Variants in CLEC16A observed in about 807,000 individuals in gnomAD.
CLEC16A encodes C-type lectin domain containing 16A.
A neutral mutation model predicts 109.5 loss-of-function variants in CLEC16A; 51 were observed. That is an observed-to-expected ratio of 0.47 (90% confidence interval 0.37 to 0.59). The LOEUF (loss-of-function observed/expected upper bound fraction) is 0.59, where lower values mean the gene tolerates loss of function less well. CLEC16A is among the 20% of genes least tolerant of loss of function. The pLI, the probability that CLEC16A is intolerant of heterozygous loss-of-function variation, is 0.00. For synonymous variants in CLEC16A, 673 were observed against 564.2 expected (o/e 1.19, Z -2.73); for missense variants, 1,339 against 1,394.0 (o/e 0.96, Z 0.63).
At position 10,946,113 on chromosome 16, in the gene CLEC16A, A is replaced by T. The variant is rs76272104; in HGVS notation, c.80+1316A>T. Among the ~76,000 whole-genome samples the T allele has an allele frequency of 7.2e-5, 11 of 152,280 alleles. No individual in the cohort carries two copies. In the South Asian group the frequency reaches 2.3e-3, roughly 32 times the overall value. On this transcript the variant is annotated intron_variant, in intron 1 of 23. Transcript: ENST00000409790. ...GGCTTTAGGGAGGGAAATGGCGGGG[A>T]TGCTGAAGAGGGGAGTAGACAAATC...
intron 3 of CLEC16A, among the ~76,000 whole-genome samples, chr16:10,963,682 C>G (rs1327430846): frequency 5.3e-5 from 8 of 152,198 alleles, no homozygotes; most frequent in Admixed American, 3.3e-4. Context: ...GTAATAACCA[C>G]CCCTGAGAGG....
chr16:11,061,863 T>G (rs1160451334), intron 19 of CLEC16A, among the ~76,000 whole-genome samples: 1 of 152,194 alleles, frequency 6.6e-6, no homozygotes, highest in East Asian at 1.9e-4. Flanking sequence ...GGAAGCTGCC[T>G]TCCTCCGTCT....
intron 22 of CLEC16A, among the ~76,000 whole-genome samples, chr16:11,145,945 C>G (rs761197799): frequency 6.6e-6 from 1 of 152,222 alleles, no homozygotes; most frequent in African/African-American, 2.4e-5. Context: ...CTTCCTGACA[C>G]TAACCTCACC....
intron 16 of CLEC16A, 88 bp from the exon 17 acceptor site, chr16:11,047,204 A>G (rs1235508459): frequency 1.4e-5 from 15 of 1,110,342 alleles, no homozygotes; most frequent in Non-Finnish European, 1.6e-5. Flanking sequence ...GATGGCCTCT[A>G]AAGCCACAAA....
At chr16:11,165,640 G>C (rs2068228603) in intron 22 of CLEC16A, among the ~76,000 whole-genome samples, 1 of 152,160 alleles carries the variant, frequency 6.6e-6, no homozygotes, top group Non-Finnish European at 1.5e-5. Flanking sequence ...AGACTCAAGA[G>C]AAACACAATA....
At chr16:11,172,265 C>T (rs1020330264) in intron 23 of CLEC16A, among the ~76,000 whole-genome samples, 3 of 152,160 alleles carry the variant, frequency 2.0e-5, no homozygotes, top group Non-Finnish European at 2.9e-5. Context: ...AATGTATGTA[C>T]GTGGTCACAC....
intron 11 of CLEC16A, among the ~76,000 whole-genome samples, chr16:11,008,643 A>G (rs1230365052): frequency 6.6e-6 from 1 of 151,768 alleles, no homozygotes; most frequent in African/African-American, 2.4e-5. Context: ...ATGGTAAAAT[A>G]CGTATAACAA....
In CLEC16A at chr16:10,999,621, G is replaced by A. The variant is rs74007591; in HGVS notation, c.1072-3453G>A. Among the ~76,000 whole-genome samples the A allele has an allele frequency of 4.9e-3, 742 of 152,266 alleles. 4 individuals are homozygous for A. Among genetic ancestry groups the A allele is most frequent in the African/African-American group, 0.017 (717 of 41,528 alleles). ...TTTAGGTTATTTCCAGTTGTTTACTGGAAGGTCGTGTTATAAAGGTTTGAA... is the reference window on the plus strand; with the variant it reads ...TTTAGGTTATTTCCAGTTGTTTACTAGAAGGTCGTGTTATAAAGGTTTGAA... On this transcript the variant is annotated intron_variant, in intron 10 of 23. Transcript: ENST00000409790.
At chr16:11,147,324 C>A (rs998823230) in intron 22 of CLEC16A, among the ~76,000 whole-genome samples, 32 of 152,206 alleles carry the variant, frequency 2.1e-4, no homozygotes, top group African/African-American at 7.2e-4. Flanking sequence ...TGACTACTCG[C>A]ATCATTAGTA....
chr16:11,061,197 G>A (rs1490334958), intron 19 of CLEC16A, among the ~76,000 whole-genome samples, 175 bp downstream of exon 19: 1 of 152,128 alleles, frequency 6.6e-6, no homozygotes, highest in Non-Finnish European at 1.5e-5. Flanking sequence ...TTGAAGAAAA[G>A]GCCCCTGGGT....
At chr16:11,160,156 T>G (rs147023305) in intron 22 of CLEC16A, among the ~76,000 whole-genome samples, 1 of 152,274 alleles carries the variant, frequency 6.6e-6, no homozygotes, top group African/African-American at 2.4e-5. Context: ...TTTAGTCACA[T>G]GGCCAGTATC....
Position 11,040,046 on chromosome 16 carries a change from G to A in CLEC16A, c.1660+170G>A, listed in dbSNP as rs550638680. ...GCATCCTGGGCCAGCCCTCCTGCCT[G>A]CTGGGACTGTGTCTTAGCTCTGGGT... On this transcript the variant is annotated intron_variant, in intron 14 of 23. Transcript: ENST00000409790. The A allele has an allele frequency of 1.0e-4, 78 of 753,094 alleles. No homozygotes were observed. In the African/African-American group the frequency reaches 1.3e-3, roughly 12 times the overall value. 46.7% of individuals were successfully genotyped at this position (753,094 alleles called of 1,614,324 possible).
chr16:10,950,500 C>T (rs895650381), intron 1 of CLEC16A, among the ~76,000 whole-genome samples: 1 of 152,204 alleles, frequency 6.6e-6, no homozygotes, highest in Non-Finnish European at 1.5e-5. Context: ...CTGCCTATAC[C>T]CTACACATCC....
At chr16:11,170,915 T>C (rs2068484150) in intron 23 of CLEC16A, among the ~76,000 whole-genome samples, 1 of 151,952 alleles carries the variant, frequency 6.6e-6, no homozygotes, top group Admixed American at 6.6e-5. Flanking sequence ...CTCCCAGAGG[T>C]GGCATCGCTG....
At chr16:11,022,941 G>T (rs148587499) in intron 12 of CLEC16A, among the ~76,000 whole-genome samples, 14 of 148,236 alleles carry the variant, frequency 9.4e-5, no homozygotes, top group Admixed American at 9.4e-4. Flanking sequence ...ATAGGCCTAA[G>T]AAACTTAAAG....
At chr16:11,048,815 C>A (rs1052579096) in intron 17 of CLEC16A, among the ~76,000 whole-genome samples, 2 of 152,018 alleles carry the variant, frequency 1.3e-5, no homozygotes, top group Non-Finnish European at 2.9e-5. Context: ...ATTCAGTTGT[C>A]ATTTGTTATT....
intron 22 of CLEC16A, among the ~76,000 whole-genome samples, chr16:11,139,474 C>G (rs542838716): frequency 4.5e-4 from 69 of 152,162 alleles, no homozygotes; most frequent in Non-Finnish European, 7.9e-4. Flanking sequence ...TCTCAAATTC[C>G]CAAAGGGCCA....
At chr16:11,124,442 T>C (rs948649677) in intron 21 of CLEC16A, among the ~76,000 whole-genome samples, 3 of 152,186 alleles carry the variant, frequency 2.0e-5, no homozygotes, top group South Asian at 2.1e-4. Context: ...CCAGTTCTTA[T>C]AAGAGGCAGC....
In CLEC16A at chr16:11,177,780, TGAGGAG is replaced by T. The variant is rs976442784; in HGVS notation, c.2807-542_2807-537del. On this transcript the variant is annotated intron_variant, in intron 23 of 23. Transcript: ENST00000409790. ...CTTGGTGGGTGCTGGCTCAGCACTT[TGAGGAG>T]GAGGAGGAGGAGACAGGCCAAGGTT... Among the ~76,000 whole-genome samples, 5 of 151,434 alleles carry T rather than the reference TGAGGAG, an allele frequency of 3.3e-5. No individual in the cohort carries two copies. In the East Asian group the frequency reaches 7.8e-4, roughly 24 times the overall value.
Sources: allele counts gnomAD v4.1 joint callset (sites outside exome capture counted in the v4.1 genomes callset), GRCh38; gene constraint gnomAD v4.1.1; transcripts MANE v1.5; gene names NCBI Gene and HGNC (gene_info 2026-07-23, HGNC 2026-07-21).